Variants in WWOX observed in about 807,000 individuals in gnomAD.
The protein encoded by WWOX is WW domain-containing oxidoreductase.
WWOX carries 69 observed loss-of-function variants against 46.2 expected under a neutral mutation model. That is an observed-to-expected ratio of 1.49 (90% CI 1.23 to 1.82). The LOEUF is 1.82. WWOX is among the 40% of genes most tolerant of loss of function. The pLI is 0.00. For synonymous variants in WWOX, 359 were observed against 202.6 expected, an observed-to-expected ratio of 1.77 and a Z score of -6.56; for missense variants, 919 against 542.6, an observed-to-expected ratio of 1.69 and a Z score of -6.89.
At chr16:78,950,723 C>A (rs1488560035) in intron 8 of WWOX, among the ~76,000 whole-genome samples, 1 of 152,150 alleles carries the variant, frequency 6.6e-6, no homozygotes, top group African/African-American at 2.4e-5. Flanking sequence ...CTTAGACACT[C>A]ACGGTGATAA....
chr16:78,453,211 G>C (rs1396625933), intron 8 of WWOX, among the ~76,000 whole-genome samples: 2 of 152,006 alleles, frequency 1.3e-5, no homozygotes, highest in South Asian at 2.1e-4. Context: ...ATTACCTAAG[G>C]TCAGGAGTTT....
At chr16:78,993,575 C>A (rs1415825970) in intron 8 of WWOX, among the ~76,000 whole-genome samples, 1 of 152,146 alleles carries the variant, frequency 6.6e-6, no homozygotes, top group East Asian at 1.9e-4. Context: ...GTGTACGGAG[C>A]CCGGAACAGG....
chr16:78,959,853 G>A (rs1181626572), intron 8 of WWOX, among the ~76,000 whole-genome samples: 1 of 152,164 alleles, frequency 6.6e-6, no homozygotes, highest in Non-Finnish European at 1.5e-5. Flanking sequence ...CCTGATGCCT[G>A]GTTTTCTTCT....
At chr16:78,743,422 T>TGA (rs2142424108) in intron 8 of WWOX, among the ~76,000 whole-genome samples, 1 of 152,260 alleles carries the variant, frequency 6.6e-6, no homozygotes, top group Admixed American at 6.5e-5. Context: ...CCTGAGATGA[T>TGA]GAGGATTCGG....
chr16:78,789,731 G>C (rs563663337), intron 8 of WWOX, among the ~76,000 whole-genome samples: 4 of 152,278 alleles, frequency 2.6e-5, no homozygotes, highest in East Asian at 3.9e-4. Context: ...ACAGTCATCA[G>C]CTCTTGTGAG....
intron 8 of WWOX, among the ~76,000 whole-genome samples, chr16:78,609,341 T>C (rs1020032516): frequency 8.5e-5 from 13 of 152,178 alleles, no homozygotes; most frequent in African/African-American, 3.1e-4. Flanking sequence ...TTAGCACTGA[T>C]GTATTTTATT....
At chr16:79,049,111 A>T (rs1446847484) in intron 8 of WWOX, among the ~76,000 whole-genome samples, 2 of 152,356 alleles carry the variant, frequency 1.3e-5, no homozygotes, top group African/African-American at 4.8e-5. Context: ...TGTTTCTGCA[A>T]ACAGCTAGAT....
At chr16:79,008,758 A>G (rs2047240928) in intron 8 of WWOX, among the ~76,000 whole-genome samples, 1 of 152,174 alleles carries the variant, frequency 6.6e-6, no homozygotes, top group Non-Finnish European at 1.5e-5. Context: ...GGTTTCAGCA[A>G]ACAAAGGGAG....
chr16:78,950,903 G>T (rs2046046520), intron 8 of WWOX, among the ~76,000 whole-genome samples: 1 of 152,146 alleles, frequency 6.6e-6, no homozygotes, highest in African/African-American at 2.4e-5. Context: ...GGTAGCTGAA[G>T]GCCCAAGGAT....
intron 6 of WWOX, among the ~76,000 whole-genome samples, chr16:78,411,094 C>A (rs1344462134): frequency 1.3e-5 from 2 of 152,110 alleles, no homozygotes; most frequent in Non-Finnish European, 2.9e-5. Context: ...GTAAACCAAT[C>A]TCAGAAGAAT....
chr16:79,199,328 G>A (rs1475465864), intron 8 of WWOX, among the ~76,000 whole-genome samples: 1 of 152,170 alleles, frequency 6.6e-6, no homozygotes, highest in Admixed American at 6.5e-5. Context: ...CTCCCAAAGT[G>A]TTGAGATCAC....
At chr16:78,399,030 A>G (rs28482387) in intron 6 of WWOX, among the ~76,000 whole-genome samples, 2 of 148,164 alleles carry the variant, frequency 1.3e-5, no homozygotes, top group African/African-American at 5.3e-5. Context: ...CTAGATGGAT[A>G]GAAAGATGGA....
chr16:78,671,100 A>T (rs1198464554), intron 8 of WWOX, among the ~76,000 whole-genome samples: 1 of 152,070 alleles, frequency 6.6e-6, no homozygotes, highest in Non-Finnish European at 1.5e-5. Flanking sequence ...CAGATTTCAA[A>T]CCTCTGGCTT....
intron 8 of WWOX, among the ~76,000 whole-genome samples, chr16:79,139,619 T>A (rs2050050209): frequency 6.6e-6 from 1 of 152,212 alleles, no homozygotes; most frequent in Admixed American, 6.5e-5. Flanking sequence ...TCTTTTCTTT[T>A]TTTAAGGATC....
At chr16:78,828,497 C>T (rs1463296456) in intron 8 of WWOX, among the ~76,000 whole-genome samples, 1 of 152,020 alleles carries the variant, frequency 6.6e-6, no homozygotes, top group Non-Finnish European at 1.5e-5. Context: ...TCCAGCACTG[C>T]ACTGGGCATT....
At chr16:78,967,546 C>G (rs1046487011) in intron 8 of WWOX, among the ~76,000 whole-genome samples, 1 of 146,634 alleles carries the variant, frequency 6.8e-6, no homozygotes, top group Non-Finnish European at 1.5e-5. Context: ...TCCAGGTGAT[C>G]CACCCATCTT....
chr16:78,457,486 G>T (rs1275324749), intron 8 of WWOX, among the ~76,000 whole-genome samples: 2 of 152,110 alleles, frequency 1.3e-5, no homozygotes, highest in African/African-American at 2.4e-5. Flanking sequence ...TAGAAAAACT[G>T]TTGATTCTTT....
At chr16:78,508,686 G>C (rs1345547675) in intron 8 of WWOX, among the ~76,000 whole-genome samples, 2 of 152,176 alleles carry the variant, frequency 1.3e-5, no homozygotes, top group Non-Finnish European at 2.9e-5. Flanking sequence ...CAAAGCAACA[G>C]AAGAAACGCT....
chr16:79,089,834 G>C (rs191074930), intron 8 of WWOX, among the ~76,000 whole-genome samples: 2 of 152,086 alleles, frequency 1.3e-5, no homozygotes, highest in East Asian at 1.9e-4. Flanking sequence ...TCGGAGTTCT[G>C]ATGTGTTCAT....
Sources: allele counts gnomAD v4.1 joint callset (sites outside exome capture counted in the v4.1 genomes callset), GRCh38; gene constraint gnomAD v4.1.1; transcripts MANE v1.5; gene names NCBI Gene and HGNC (gene_info 2026-07-23, HGNC 2026-07-21).